The following TOGARAM1 variants were observed in gnomAD, a reference collection of about 807,000 sequenced individuals.
TOGARAM1 encodes TOG array regulator of axonemal microtubules 1.
TOGARAM1 carries 100 observed loss-of-function variants against 166.6 expected under a neutral mutation model. The observed-to-expected ratio is 0.60, with a 90% CI of 0.51 to 0.71. The LOEUF (loss-of-function observed/expected upper bound fraction) is 0.71. Ranked by LOEUF, TOGARAM1 falls within the 30% of genes least tolerant of loss-of-function variation. TOGARAM1 has a pLI of 0.00. For missense variants in TOGARAM1, 2,029 were observed against 2,102.7 expected, an observed-to-expected ratio of 0.96 and a Z score of 0.69; for synonymous variants, 758 against 763.8, an observed-to-expected ratio of 0.99 and a Z score of 0.13.
chr14:45,039,145 C>G (rs913326278), intron 11 of TOGARAM1, among the ~76,000 whole-genome samples: 2 of 152,112 alleles, frequency 1.3e-5, no homozygotes, highest in African/African-American at 2.4e-5. Context: ...TAGCTTCTAT[C>G]TGTAGGCAGG....
At chr14:44,967,413 A>G (rs541297708) in intron 1 of TOGARAM1, among the ~76,000 whole-genome samples, 1 of 152,322 alleles carries the variant, frequency 6.6e-6, no homozygotes, top group South Asian at 2.1e-4. Flanking sequence ...CCTACTAAGT[A>G]AAGTTTAAGA....
At chr14:45,067,897 C>A (rs532149271) in intron 17 of TOGARAM1, among the ~76,000 whole-genome samples, 1 of 152,120 alleles carries the variant, frequency 6.6e-6, no homozygotes, top group African/African-American at 2.4e-5. Flanking sequence ...TTCTGAAGAG[C>A]AAGGAATTAT....
intron 2 of TOGARAM1, among the ~76,000 whole-genome samples, chr14:44,998,900 G>A (rs1308499565): frequency 2.0e-5 from 3 of 152,084 alleles, no homozygotes; most frequent in Non-Finnish European, 4.4e-5. Context: ...CGTGAATACT[G>A]TGAAGTATAT....
chr14:45,032,464 A>G (rs1881218953), intron 11 of TOGARAM1, 88 bp downstream of exon 11: 25 of 1,253,790 alleles, frequency 2.0e-5, no homozygotes, highest in Non-Finnish European at 2.7e-5. Flanking sequence ...CACATTTTCT[A>G]TTAAAATAAT....
At chr14:44,980,210 C>T (rs753943605) in intron 1 of TOGARAM1, among the ~76,000 whole-genome samples, 18 of 152,070 alleles carry the variant, frequency 1.2e-4, no homozygotes, top group Admixed American at 2.0e-4. Flanking sequence ...CATTTACAGT[C>T]CACTGTTAAT....
Position 44,963,776 on chromosome 14 carries a change from A to G in TOGARAM1, c.1355A>G (p.Lys452Arg), listed in dbSNP as rs1365516448. 1 of 1,614,084 alleles carries G rather than the reference A, an allele frequency of 6.2e-7. No homozygotes were observed. Among genetic ancestry groups the G allele is most frequent in the Admixed American group, 1.7e-5 (1 of 60,020 alleles). Residue 452 changes from lysine (K) to arginine (R), a missense_variant, in exon 1 of 20, where the codon AAA becomes AGA. By Grantham distance (26) the Lys-to-Arg change is conservative. Transcript: ENST00000361462. ...KVLADNKLVIKQEYMKIFLKL... is the reference protein window; with the variant it reads ...KVLADNKLVIRQEYMKIFLKL... The stretch of plus-strand genomic sequence containing the variant: ...CTGGCGGACAACAAGTTGGTGATCA[A>G]ACAAGAATACATGAAAATCTTCCTC...
chr14:44,998,019 C>CAA (rs1398625734), intron 2 of TOGARAM1, among the ~76,000 whole-genome samples: 2 of 152,120 alleles, frequency 1.3e-5, no homozygotes, highest in East Asian at 3.9e-4. Context: ...TAACAGTTTT[C>CAA]AAAATTTGTT....
intron 1 of TOGARAM1, among the ~76,000 whole-genome samples, chr14:44,984,504 C>G (rs1299499294): frequency 6.6e-6 from 1 of 151,646 alleles, no homozygotes; most frequent in African/African-American, 2.4e-5. Flanking sequence ...AAAGCTGTAA[C>G]AGCTAGAGGC....
At chr14:44,978,706 A>G (rs895531025) in intron 1 of TOGARAM1, among the ~76,000 whole-genome samples, 1 of 151,806 alleles carries the variant, frequency 6.6e-6, no homozygotes, top group African/African-American at 2.4e-5. Flanking sequence ...ACTCAGGTGG[A>G]GGATCACTTG....
intron 16 of TOGARAM1, among the ~76,000 whole-genome samples, chr14:45,063,021 T>C (rs1263472974): frequency 6.6e-6 from 1 of 152,164 alleles, no homozygotes; most frequent in Non-Finnish European, 1.5e-5. Flanking sequence ...TTCTATGGAT[T>C]TGTTTATTCT....
intron 7 of TOGARAM1, among the ~76,000 whole-genome samples, chr14:45,025,145 A>G (rs1359807119): frequency 6.6e-6 from 1 of 152,198 alleles, no homozygotes; most frequent in African/African-American, 2.4e-5. Context: ...TTGCTGTGAC[A>G]TTGACCTGAT....
intron 1 of TOGARAM1, among the ~76,000 whole-genome samples, chr14:44,987,113 T>A (rs191270519): frequency 1.3e-5 from 2 of 152,092 alleles, no homozygotes; most frequent in African/African-American, 4.8e-5. Context: ...CGGCTAATTT[T>A]TTGTATTTTT....
Position 45,004,243 on chromosome 14 carries a change from C to T in TOGARAM1, c.2521C>T (p.Gln841Ter), listed in dbSNP as rs780227952. The change falls in exon 4 of 20, where the codon CAA (glutamine) becomes TAA (stop). Residue 841 changes from glutamine to a stop codon, truncating the protein, a stop_gained. Coordinates refer to ENST00000361462, the MANE Select transcript of TOGARAM1 (RefSeq NM_001308120.2). LOFTEE classifies it high-confidence loss of function. ...TCTTATTATATCTCCAAAGAAGTCT[C>T]AAGATAATTCTGTTAATTTCTCAAA... ...SPLIISPKKSQDNSVNFSNSW... is the reference protein window; with the variant it reads ...SPLIISPKKS 5.6e-6 allele frequency: 9 copies of T among 1,613,886 alleles called. No individual in the cohort carries two copies. The highest frequency in any genetic ancestry group is 1.3e-5 in the African/African-American group (1 of 74,912).
chr14:45,065,672 G>T (rs1883107677), intron 16 of TOGARAM1, among the ~76,000 whole-genome samples: 1 of 152,184 alleles, frequency 6.6e-6, no homozygotes. Context: ...TTGCAGGAAA[G>T]AGTTAACATA....
intron 1 of TOGARAM1, among the ~76,000 whole-genome samples, chr14:44,985,534 A>T (rs1382753142): frequency 6.6e-6 from 1 of 152,212 alleles, no homozygotes. Flanking sequence ...TGTGCAACCT[A>T]GATTCCTTGC....
intron 1 of TOGARAM1, among the ~76,000 whole-genome samples, chr14:44,980,348 T>C (rs1334751179): frequency 6.6e-6 from 1 of 152,148 alleles, no homozygotes; most frequent in Admixed American, 6.5e-5. Context: ...ATAGACCAGT[T>C]TGTTTGGAAG....
At chr14:45,011,043 C>T (rs1324298059) in intron 6 of TOGARAM1, among the ~76,000 whole-genome samples, 1 of 152,146 alleles carries the variant, frequency 6.6e-6, no homozygotes, top group Non-Finnish European at 1.5e-5. Context: ...TCATTACTAA[C>T]TTACTGACAT....
At chr14:45,059,256 T>G (rs1351831914) in intron 16 of TOGARAM1, among the ~76,000 whole-genome samples, 1 of 152,094 alleles carries the variant, frequency 6.6e-6, no homozygotes, top group Non-Finnish European at 1.5e-5. Flanking sequence ...TTGCCCAGGA[T>G]GGACTCAAAC....
At chr14:45,030,648 T>C (rs12889427) in intron 10 of TOGARAM1, among the ~76,000 whole-genome samples, 2 of 152,220 alleles carry the variant, frequency 1.3e-5, no homozygotes, top group East Asian at 1.9e-4. Flanking sequence ...TTAATTGGTA[T>C]ATCATCTTCC....
Sources: allele counts gnomAD v4.1 joint callset (sites outside exome capture counted in the v4.1 genomes callset), GRCh38; gene constraint gnomAD v4.1.1; transcripts MANE v1.5; gene names NCBI Gene and HGNC (gene_info 2026-07-23, HGNC 2026-07-21).